The following ARMC2 variants were observed in gnomAD, a reference collection of about 807,000 sequenced individuals.
The protein encoded by ARMC2 is armadillo repeat-containing protein 2.
Under a neutral mutation model 90.3 loss-of-function variants are expected in ARMC2, and 67 were observed. The ratio of observed to expected loss-of-function variants is 0.74; its 90% CI spans 0.61 to 0.91. The LOEUF (loss-of-function observed/expected upper bound fraction) is 0.91, where lower values mean the gene tolerates loss of function less well. Ranked by LOEUF, ARMC2 falls within the 40% of genes least tolerant of loss-of-function variation. ARMC2 has a pLI of 0.00. For missense variants in ARMC2, 920 were observed against 1,030.9 expected (o/e 0.89, Z 1.47); for synonymous variants, 393 against 393.0 (o/e 1.00, Z 0.00).
At chr6:108,927,990 G>GAT (rs1775238739) in intron 10 of ARMC2, 98 bp from the exon 11 acceptor site, 1 of 1,249,186 alleles carries the variant, frequency 8.0e-7, no homozygotes, top group Non-Finnish European at 1.1e-6. Context: ...CTTAGCTACT[G>GAT]ATATAAGGAA....
chr6:109,044,123 G>A, the ARMC2 span, among the ~76,000 whole-genome samples: 4 of 151,340 alleles, frequency 2.6e-5, no homozygotes, highest in African/African-American at 4.9e-5. Flanking sequence ...AAGACCAGCC[G>A]AAGCAACACA....
the ARMC2 span, among the ~76,000 whole-genome samples, chr6:109,044,423 AT>A: frequency 1.3e-5 from 2 of 151,784 alleles, no homozygotes; most frequent in Non-Finnish European, 2.9e-5. Flanking sequence ...ATAATAGGAC[AT>A]CCATACGCAA....
chr6:109,019,817 A>AT, the ARMC2 span, among the ~76,000 whole-genome samples: 1 of 152,226 alleles, frequency 6.6e-6, no homozygotes, highest in Non-Finnish European at 1.5e-5. Context: ...AACTTGCTTT[A>AT]TGTCAATAAA....
Position 108,904,356 on chromosome 6 carries a change from A to G in ARMC2, c.974A>G (p.Asp325Gly), listed in dbSNP as rs749686178. ...CTGAAGACCCTGTGTAAACTAGTTGATGTTGGTTCAGACTCGCTCAGCCTT... is the reference window on the plus strand; with the variant it reads ...CTGAAGACCCTGTGTAAACTAGTTGGTGTTGGTTCAGACTCGCTCAGCCTT... ...ILLKTLCKLV[D>G]VGSDSLSLKL... The change falls in exon 8 of 18, where the codon GAT becomes GGT. Residue 325 changes from aspartate (D) to glycine (G), a missense_variant. Physicochemically the swap from Asp to Gly is moderately conservative, Grantham distance 94. Transcript: ENST00000392644. 26 of 1,612,462 alleles carry G rather than the reference A, an allele frequency of 1.6e-5. No individual in the cohort carries two copies. Among genetic ancestry groups the G allele is most frequent in the Non-Finnish European group, 2.2e-5 (26 of 1,179,568 alleles).
At chr6:109,026,567 G>C in the ARMC2 span, among the ~76,000 whole-genome samples, 7 of 152,020 alleles carry the variant, frequency 4.6e-5, no homozygotes, top group African/African-American at 1.4e-4. Context: ...CGCAATCTCG[G>C]CTCACTGCAA....
rs940023107 is a variant in ARMC2, at chr6:108,912,397, T to G, written c.1189T>G (p.Cys397Gly). 2.5e-6 allele frequency: 4 copies of G among 1,613,590 alleles called. No homozygotes were observed. The highest frequency in any genetic ancestry group is 1.3e-5 in the African/African-American group (1 of 74,918). ...LQTNMEAFLYCMGSIKFISGN... is the reference protein window; with the variant it reads ...LQTNMEAFLYGMGSIKFISGN... ...AACTAACATGGAAGCTTTTTTATAC[T>G]GTATGGGGTCTATAAAGTTCATTTC... is the stretch of plus-strand genomic sequence containing the variant. The change falls in exon 10 of 18, where the codon TGT (cysteine) becomes GGT (glycine). Residue 397 changes from cysteine (C) to glycine (G), a missense_variant. By Grantham distance (159) the Cys-to-Gly change is radical (BLOSUM62 -3). Coordinates refer to ENST00000392644, the MANE Select transcript of ARMC2 (RefSeq NM_032131.6).
chr6:108,913,023 G>A (rs753429156), intron 10 of ARMC2, among the ~76,000 whole-genome samples: 3 of 152,252 alleles, frequency 2.0e-5, no homozygotes, highest in East Asian at 1.9e-4. Flanking sequence ...AGGCAGCCCC[G>A]AGACTGTAGG....
At chr6:108,952,112 C>A (rs1256021710) in intron 12 of ARMC2, among the ~76,000 whole-genome samples, 1 of 152,162 alleles carries the variant, frequency 6.6e-6, no homozygotes, top group Non-Finnish European at 1.5e-5. Flanking sequence ...ATAATACCAT[C>A]CAGGCCAGTT....
the ARMC2 span, among the ~76,000 whole-genome samples, chr6:109,043,030 G>GAATT: frequency 3.3e-5 from 5 of 152,046 alleles, no homozygotes; most frequent in African/African-American, 1.2e-4. Flanking sequence ...GGAATGCATG[G>GAATT]CTGGTTCAAC....
chr6:108,870,160 G>C (rs1680651835), intron 4 of ARMC2, among the ~76,000 whole-genome samples: 1 of 152,126 alleles, frequency 6.6e-6, no homozygotes, highest in Admixed American at 6.5e-5. Flanking sequence ...GAGAATTGGG[G>C]AGAGCCTGGA....
chr6:108,865,028 T>G (rs544768643), intron 3 of ARMC2, among the ~76,000 whole-genome samples: 100 of 147,886 alleles, frequency 6.8e-4, no homozygotes, highest in African/African-American at 2.3e-3. Flanking sequence ...AGACAGAGTC[T>G]CCCTCTGTCA....
chr6:108,953,747 C>T (rs1236778606), intron 13 of ARMC2, among the ~76,000 whole-genome samples: 1 of 152,168 alleles, frequency 6.6e-6, no homozygotes, highest in African/African-American at 2.4e-5. Context: ...ATATTGTGGG[C>T]AATCCACATG....
chr6:108,980,532 C>A, the ARMC2 span, among the ~76,000 whole-genome samples: 3 of 140,030 alleles, frequency 2.1e-5, no homozygotes, highest in South Asian at 7.3e-4. Flanking sequence ...AGAACGCCTG[C>A]TGGGAGATCT....
chr6:108,957,964 T>C (rs1777714792), intron 13 of ARMC2, among the ~76,000 whole-genome samples: 1 of 152,144 alleles, frequency 6.6e-6, no homozygotes, highest in African/African-American at 2.4e-5. Context: ...AGTAGGATAG[T>C]AGGGGTCAAG....
intron 3 of ARMC2, among the ~76,000 whole-genome samples, chr6:108,867,077 A>T (rs561147351): frequency 4.6e-5 from 7 of 152,310 alleles, no homozygotes; most frequent in African/African-American, 1.7e-4. Flanking sequence ...AACTTATTGG[A>T]TAGTGACTCA....
chr6:108,987,439 T>C, the ARMC2 span: 2 of 583,398 alleles, frequency 3.4e-6, no homozygotes, highest in East Asian at 2.9e-5. Context: ...GCACAATGGA[T>C]TTCTGAATTA....
At chr6:108,969,737 A>C (rs1032579610) in intron 17 of ARMC2, among the ~76,000 whole-genome samples, 4 of 152,228 alleles carry the variant, frequency 2.6e-5, no homozygotes, top group African/African-American at 9.6e-5. Context: ...TGATGATTCA[A>C]ATCTTAAAAA....
At chr6:108,993,740 A>G in the ARMC2 span, among the ~76,000 whole-genome samples, 2 of 152,006 alleles carry the variant, frequency 1.3e-5, no homozygotes, top group Admixed American at 1.3e-4. Flanking sequence ...CAAATCATAT[A>G]ATTTTTGTTG....
the ARMC2 span, chr6:108,987,215 T>C: frequency 1.9e-5 from 4 of 210,580 alleles, no homozygotes; most frequent in African/African-American, 9.1e-5. Context: ...CATGCTCCAA[T>C]TCTTGTTATC....
Sources: gnomAD v4.1 joint callset for allele counts (sites outside exome capture counted in the v4.1 genomes callset) on GRCh38, gnomAD v4.1.1 for gene constraint, MANE v1.5 for transcripts, NCBI Gene and HGNC (gene_info 2026-07-23, HGNC 2026-07-21) for gene names.